LARGE1: variants seen among roughly 807,000 people sequenced by gnomAD.
LARGE1 encodes the protein xylosyl- and glucuronyltransferase LARGE1.
Under a neutral mutation model 87.6 loss-of-function variants are expected in LARGE1, and 43 were observed. The ratio of observed to expected loss-of-function variants is 0.49; its 90% CI spans 0.38 to 0.63. LARGE1 has a LOEUF of 0.63. Among genes scored for constraint, LARGE1 ranks in the 30% least tolerant of loss-of-function variants. The pLI, the probability that LARGE1 is intolerant of heterozygous loss-of-function variation, is 0.00. For synonymous variants in LARGE1, 434 were observed against 394.6 expected, an observed-to-expected ratio of 1.10 and a Z score of -1.18; for missense variants, 802 against 1,000.2, an observed-to-expected ratio of 0.80 and a Z score of 2.67.
chr22:33,494,240 G>A (rs1331211512), intron 6 of LARGE1, among the ~76,000 whole-genome samples: 2 of 152,172 alleles, frequency 1.3e-5, no homozygotes, highest in Admixed American at 6.5e-5. Flanking sequence ...CCACTTATAG[G>A]TTATTGGGTC....
the LARGE1 span, among the ~76,000 whole-genome samples, chr22:33,132,194 A>T: frequency 1.3e-5 from 2 of 151,948 alleles, no homozygotes; most frequent in Admixed American, 1.3e-4. Context: ...TTATTTATTT[A>T]TTTTTTTGAG....
intron 6 of LARGE1, among the ~76,000 whole-genome samples, chr22:33,435,252 G>A (rs571001399): frequency 2.0e-5 from 3 of 151,980 alleles, no homozygotes; most frequent in East Asian, 1.9e-4. Context: ...TCCTCCCACC[G>A]CAGCCTCCCA....
chr22:33,896,309 C>A (rs74831899), intron 1 of LARGE1, among the ~76,000 whole-genome samples: 1,524 of 152,336 alleles, frequency 0.01, 36 homozygotes, highest in African/African-American at 0.033. Context: ...TATGTCTACA[C>A]CACATGGTGT....
chr22:33,509,311 A>G (rs2070930747), intron 6 of LARGE1, among the ~76,000 whole-genome samples: 1 of 151,760 alleles, frequency 6.6e-6, no homozygotes, highest in African/African-American at 2.4e-5. Context: ...CTGATCCAAG[A>G]CCCTCTCCCC....
intron 2 of LARGE1, among the ~76,000 whole-genome samples, chr22:33,703,313 AC>A (rs750964148): frequency 6.6e-6 from 1 of 151,744 alleles, no homozygotes; most frequent in Non-Finnish European, 1.5e-5. Flanking sequence ...TACCTATGCA[AC>A]AAACCTGCAT....
chr22:33,486,683 C>T (rs1439783039), intron 6 of LARGE1, among the ~76,000 whole-genome samples: 6 of 152,162 alleles, frequency 3.9e-5, no homozygotes, highest in Non-Finnish European at 4.4e-5. Context: ...TATTTAAATA[C>T]CGCTTTGGCA....
chr22:33,902,425 T>A (rs2065309257), intron 1 of LARGE1, among the ~76,000 whole-genome samples: 1 of 152,160 alleles, frequency 6.6e-6, no homozygotes, highest in Non-Finnish European at 1.5e-5. Context: ...AGAGAAGCTG[T>A]CAATTGCAAG....
chr22:33,578,990 G>C (rs1472007883), intron 5 of LARGE1, among the ~76,000 whole-genome samples: 1 of 152,190 alleles, frequency 6.6e-6, no homozygotes, highest in Non-Finnish European at 1.5e-5. Flanking sequence ...TACTGAGAAA[G>C]CTGTTAACAC....
At chr22:33,236,812 C>T (rs1259988046) in intron 11 of LARGE1, among the ~76,000 whole-genome samples, 2 of 152,124 alleles carry the variant, frequency 1.3e-5, no homozygotes, top group African/African-American at 4.8e-5. Flanking sequence ...GTGGCAGCTA[C>T]CTCAGGGTCT....
intron 11 of LARGE1, among the ~76,000 whole-genome samples, chr22:33,223,261 A>T (rs1366925471): frequency 6.6e-6 from 1 of 152,236 alleles, no homozygotes; most frequent in African/African-American, 2.4e-5. Context: ...GCAAGGCAGA[A>T]GCTTGAGCAG....
At chr22:33,592,023 G>A (rs1281118004) in intron 5 of LARGE1, among the ~76,000 whole-genome samples, 1 of 134,234 alleles carries the variant, frequency 7.4e-6, no homozygotes, top group African/African-American at 2.8e-5. Flanking sequence ...GAGACCCAGA[G>A]AAAGAAAGAA....
chr22:33,318,907 G>C (rs1365197571), intron 10 of LARGE1, among the ~76,000 whole-genome samples: 1 of 152,002 alleles, frequency 6.6e-6, no homozygotes, highest in Non-Finnish European at 1.5e-5. Flanking sequence ...TTTCCAAGAA[G>C]GTGTACTTTT....
At chr22:33,727,217 C>G (rs1222472475) in intron 2 of LARGE1, among the ~76,000 whole-genome samples, 4 of 152,106 alleles carry the variant, frequency 2.6e-5, no homozygotes, top group African/African-American at 9.7e-5. Context: ...TAACAAGAAT[C>G]AAGAAATGTC....
intron 6 of LARGE1, among the ~76,000 whole-genome samples, chr22:33,562,364 C>T (rs1806632018): frequency 6.6e-6 from 1 of 152,168 alleles, no homozygotes; most frequent in Non-Finnish European, 1.5e-5. Context: ...TGCACTCTGC[C>T]TTGTTTCTGA....
chr22:33,390,569 G>A (rs1367727557), intron 7 of LARGE1, among the ~76,000 whole-genome samples: 3 of 152,086 alleles, frequency 2.0e-5, no homozygotes, highest in African/African-American at 7.2e-5. Context: ...ACGTGTGCTC[G>A]GCTGACACAG....
chr22:33,201,594 T>C (rs919281232), intron 11 of LARGE1, among the ~76,000 whole-genome samples: 1 of 152,126 alleles, frequency 6.6e-6, no homozygotes, highest in Non-Finnish European at 1.5e-5. Context: ...GGAGACGGTC[T>C]GGTCATCATC....
intron 2 of LARGE1, among the ~76,000 whole-genome samples, chr22:33,666,380 AC>A (rs1339330842): frequency 1.3e-5 from 2 of 152,188 alleles, no homozygotes; most frequent in African/African-American, 4.8e-5. Context: ...TAATCTGAAC[AC>A]CCTGGCTACC....
chr22:33,699,936 G>A (rs754772511), intron 2 of LARGE1, among the ~76,000 whole-genome samples: 20 of 152,140 alleles, frequency 1.3e-4, no homozygotes, highest in Non-Finnish European at 2.4e-4. Flanking sequence ...TAATTTCTCT[G>A]TATTTAATTC....
intron 11 of LARGE1, among the ~76,000 whole-genome samples, chr22:33,214,056 C>T (rs1925089547): frequency 6.6e-6 from 1 of 152,196 alleles, no homozygotes; most frequent in South Asian, 2.1e-4. Flanking sequence ...TCTTGATTTC[C>T]TGACCTCATG....
Sources: gnomAD v4.1 joint callset for allele counts (sites outside exome capture counted in the v4.1 genomes callset) on GRCh38, gnomAD v4.1.1 for gene constraint, MANE v1.5 for transcripts, NCBI Gene and HGNC (gene_info 2026-07-23, HGNC 2026-07-21) for gene names.